RFTN1: variants seen among roughly 807,000 people sequenced by gnomAD.
RFTN1 encodes raftlin, lipid raft linker 1.
In RFTN1, 26 loss-of-function variants were observed where a neutral mutation model predicts 46.5. That is an observed-to-expected ratio of 0.56 (90% CI 0.41 to 0.78). RFTN1 has a LOEUF of 0.78. RFTN1 is among the 30% of genes least tolerant of loss of function. The probability of loss-of-function intolerance (pLI) is 0.00; values close to 1 mark genes in which losing one functional copy is unlikely to be tolerated. For missense variants in RFTN1, 693 were observed against 718.7 expected (o/e 0.96, Z 0.41); for synonymous variants, 261 against 284.2 (o/e 0.92, Z 0.82).
At chr3:16,494,759 C>T (rs2076598104) in intron 1 of RFTN1, among the ~76,000 whole-genome samples, 1 of 152,236 alleles carries the variant, frequency 6.6e-6, no homozygotes. Context: ...ACTCTCCCAA[C>T]TTCAGCAGAA....
At chr3:16,491,608 G>A (rs1378979483) in intron 2 of RFTN1, among the ~76,000 whole-genome samples, 1 of 152,180 alleles carries the variant, frequency 6.6e-6, no homozygotes, top group Non-Finnish European at 1.5e-5. Flanking sequence ...AAACAAATAA[G>A]GAGGTCGGGG....
chr3:16,512,512 C>T lies in RFTN1; in HGVS notation c.-9+930G>A, dbSNP rs2076919123. On this transcript the variant is annotated intron_variant, in intron 1 of 9. Coordinates refer to ENST00000334133, the MANE Select transcript of RFTN1 (RefSeq NM_015150.2). This position sits in a 1 kb window ranked among gnomAD's most constrained non-coding sequence, Gnocchi z 4.3. ...CGTCCCTAGGGATCACCCATAACCA[C>T]ACAGGGCAGCTGAGGGCAAGCACAG... Among the ~76,000 whole-genome samples the T allele has an allele frequency of 6.6e-6, 1 of 152,120 alleles. No individual in the cohort carries two copies. Among genetic ancestry groups the T allele is most frequent in the South Asian group, 2.1e-4 (1 of 4,834 alleles).
intron 8 of RFTN1, among the ~76,000 whole-genome samples, chr3:16,323,897 G>A (rs1180798914): frequency 6.6e-6 from 1 of 152,204 alleles, no homozygotes; most frequent in African/African-American, 2.4e-5. Flanking sequence ...CTGCATCCAG[G>A]GTCTCAGCCA....
intron 2 of RFTN1, among the ~76,000 whole-genome samples, chr3:16,453,718 GA>G (rs1575315903): frequency 6.6e-6 from 1 of 152,170 alleles, no homozygotes; most frequent in African/African-American, 2.4e-5. Flanking sequence ...GGAAGAACCA[GA>G]AAAATAAGAA....
chr3:16,477,929 T>A (rs1319537730), intron 2 of RFTN1, among the ~76,000 whole-genome samples: 1 of 152,198 alleles, frequency 6.6e-6, no homozygotes, highest in African/African-American at 2.4e-5. Context: ...GCCCATGGCA[T>A]GAAATTAGAA....
chr3:16,438,706 TAAC>T (rs1014215210), intron 2 of RFTN1, among the ~76,000 whole-genome samples: 1 of 146,900 alleles, frequency 6.8e-6, no homozygotes, highest in African/African-American at 2.5e-5. Context: ...AAAATGGTGA[TAAC>T]AACATCAACC....
rs754652628 is a variant in RFTN1, at chr3:16,317,223, G to T, written c.1342C>A (p.Arg448=). The change falls in exon 10 of 10, where the codon CGA becomes AGA. Residue 448 remains arginine, a synonymous_variant. Transcript: ENST00000334133. This position sits in a 1 kb window ranked among gnomAD's most constrained non-coding sequence, Gnocchi z 4.3. ...IKKKESKFQW[R]FSREEMHNRQ... ...TTGTGCATTTCTTCTCTGGAGAATC[G>T]CCACTGAAACTAGAAATCAGAAAGG... is the stretch of plus-strand genomic sequence containing the variant. 18 of 1,611,770 alleles carry T rather than the reference G, an allele frequency of 1.1e-5. No individual in the cohort carries two copies. The highest frequency in any genetic ancestry group is 1.7e-5 in the Admixed American group (1 of 59,874).
At chr3:16,439,222 C>T (rs1179701022) in intron 2 of RFTN1, among the ~76,000 whole-genome samples, 1 of 152,146 alleles carries the variant, frequency 6.6e-6, no homozygotes, top group Non-Finnish European at 1.5e-5. Context: ...CTTAAAAATA[C>T]AAAAGAAAAC....
Position 16,507,533 on chromosome 3 carries a change from C to T in RFTN1, c.-9+5909G>A, listed in dbSNP as rs960340037. ...TTCCCCCAAATCTGAGGAACTTTAG[C>T]GCTATTCCATAAAACTTGAAGGATT... On this transcript the variant is annotated intron_variant, in intron 1 of 9. Coordinates refer to ENST00000334133, the MANE Select transcript of RFTN1 (RefSeq NM_015150.2). This position sits in a 1 kb window ranked among gnomAD's most constrained non-coding sequence, Gnocchi z 7.1. Among the ~76,000 whole-genome samples the T allele has an allele frequency of 4.6e-5, 7 of 151,960 alleles. No homozygotes were observed. Among genetic ancestry groups the T allele is most frequent in the Admixed American group, 2.0e-4 (3 of 15,252 alleles).
intron 8 of RFTN1, 97 bp downstream of exon 8, chr3:16,326,676 G>T: frequency 2.2e-6 from 2 of 908,978 alleles, no homozygotes; most frequent in South Asian, 1.6e-5. Context: ...CTCTTGCACA[G>T]GATTAAATAA....
rs1038739295 is a variant in RFTN1 at position 16,442,480 on chromosome 3, G to A, written c.146-8443C>T. 7.2e-5 allele frequency among the ~76,000 whole-genome samples: 11 copies of A among 152,064 alleles called. No individual in the cohort carries two copies. Among genetic ancestry groups the A allele is most frequent in the African/African-American group, 2.7e-4 (11 of 41,398 alleles). On this transcript the variant is annotated intron_variant, in intron 2 of 9. Transcript: ENST00000334133. This position sits in a 1 kb window ranked among gnomAD's most constrained non-coding sequence, Gnocchi z 4.1. ...GATTTTTGTTGTGTATATTCAAGGTGTACAACATGATGCCTCAATGTATAT... is the reference window on the plus strand; with the variant it reads ...GATTTTTGTTGTGTATATTCAAGGTATACAACATGATGCCTCAATGTATAT...
chr3:16,423,124 C>T (rs533614018), intron 3 of RFTN1, among the ~76,000 whole-genome samples: 8 of 151,342 alleles, frequency 5.3e-5, no homozygotes, highest in South Asian at 4.2e-4. Flanking sequence ...ACCAAGATCA[C>T]GCCACTGCAC....
chr3:16,343,881 C>T (rs141895529), intron 7 of RFTN1, among the ~76,000 whole-genome samples: 165 of 152,292 alleles, frequency 1.1e-3, no homozygotes, highest in Non-Finnish European at 1.1e-3. Context: ...GAGAGCAAAG[C>T]CAGCTGATAG....
At chr3:16,362,626 C>T (rs1456541957) in intron 6 of RFTN1, among the ~76,000 whole-genome samples, 1 of 152,206 alleles carries the variant, frequency 6.6e-6, no homozygotes, top group African/African-American at 2.4e-5. Flanking sequence ...ATTGTATCAA[C>T]ACAGCACACA....
rs1559291254 is a variant in RFTN1 at position 16,363,838 on chromosome 3, GATTCC to G, written c.1031-5796_1031-5792del. Among the ~76,000 whole-genome samples, 11 of 44,280 alleles carry G rather than the reference GATTCC, an allele frequency of 2.5e-4. 1 individual carries two copies. In the East Asian group the frequency reaches 8.0e-3, roughly 32 times the overall value. The allele number at this position is 44,280 out of a possible 152,430, so 29.0% of individuals were successfully genotyped here. On this transcript the variant is annotated intron_variant, in intron 6 of 9. Coordinates refer to ENST00000334133, the MANE Select transcript of RFTN1 (RefSeq NM_015150.2). ...ATCAGAGGTCGCACAGCACCACCTTGATTCCAGGATTCTTGGCACCACCTTGATTC... is the reference window on the plus strand; with the variant it reads ...ATCAGAGGTCGCACAGCACCACCTTGAGGATTCTTGGCACCACCTTGATTC...
rs1468284562 is a variant in RFTN1, at chr3:16,348,255, G to A, written c.1146+9677C>T. On this transcript the variant is annotated intron_variant, in intron 7 of 9. Coordinates refer to ENST00000334133, the MANE Select transcript of RFTN1 (RefSeq NM_015150.2). This position sits in a 1 kb window ranked among gnomAD's most constrained non-coding sequence, Gnocchi z 6.3. ...GGTAAAAAGGAAGCCGAGGCATCTA[G>A]ATCACTGACATTATCCATAATCAGA... Among the ~76,000 whole-genome samples the A allele has an allele frequency of 6.6e-6, 1 of 152,062 alleles. No individual in the cohort carries two copies. Among genetic ancestry groups the A allele is most frequent in the African/African-American group, 2.4e-5 (1 of 41,382 alleles).
intron 7 of RFTN1, among the ~76,000 whole-genome samples, chr3:16,343,903 G>T (rs942600336): frequency 6.6e-6 from 1 of 152,142 alleles, no homozygotes; most frequent in Non-Finnish European, 1.5e-5. Flanking sequence ...CTTATAGATG[G>T]CCCCACAAAG....
At chr3:16,453,506 G>C (rs2075854213) in intron 2 of RFTN1, among the ~76,000 whole-genome samples, 1 of 152,194 alleles carries the variant, frequency 6.6e-6, no homozygotes, top group Admixed American at 6.5e-5. Flanking sequence ...GATGTTCCTT[G>C]CTTAAGGACT....
At position 16,457,865 on chromosome 3, in the gene RFTN1, G is replaced by A. The variant is rs558049253; in HGVS notation, c.146-23828C>T. Among the ~76,000 whole-genome samples the A allele has an allele frequency of 6.6e-6, 1 of 152,292 alleles. No individual in the cohort carries two copies. The highest frequency in any genetic ancestry group is 1.5e-5 in the Non-Finnish European group (1 of 68,032). On this transcript the variant is annotated intron_variant, in intron 2 of 9. Transcript: ENST00000334133. The surrounding 1 kb of genome is among the most constrained non-coding windows in gnomAD (Gnocchi z 4.2). ...GGTGAGTCCTTTTGAGAGGTGCTTAGGTCATGAGGGCTCAGCCCTTATGAG... is the reference window on the plus strand; with the variant it reads ...GGTGAGTCCTTTTGAGAGGTGCTTAAGTCATGAGGGCTCAGCCCTTATGAG...
Sources: gnomAD v4.1 joint callset for allele counts (sites outside exome capture counted in the v4.1 genomes callset) on GRCh38, gnomAD v4.1.1 for gene constraint, Gnocchi (gnomAD v3.1) non-coding constraint, MANE v1.5 for transcripts, NCBI Gene and HGNC (gene_info 2026-07-23, HGNC 2026-07-21) for gene names.